THRB: variants seen among roughly 807,000 people sequenced by gnomAD.
The protein encoded by THRB is nuclear receptor subfamily 1 group A member 2.
THRB carries 12 observed loss-of-function variants against 47.8 expected under a neutral mutation model. The ratio of observed to expected loss-of-function variants is 0.25; its 90% CI spans 0.16 to 0.41. The LOEUF (loss-of-function observed/expected upper bound fraction) is 0.41, where lower values mean the gene tolerates loss of function less well. Ranked by LOEUF, THRB falls within the 10% of genes least tolerant of loss-of-function variation. The pLI is 1.00. For missense variants in THRB, 348 were observed against 589.2 expected (o/e 0.59, Z 4.24); for synonymous variants, 218 against 212.2 (o/e 1.03, Z -0.24).
At chr3:24,208,210 A>G (rs1038132352) in intron 4 of THRB, among the ~76,000 whole-genome samples, 2 of 152,226 alleles carry the variant, frequency 1.3e-5, no homozygotes, top group African/African-American at 4.8e-5. Flanking sequence ...GACACAAACA[A>G]ATGGAAGAAC....
At chr3:24,321,348 G>T (rs986275563) in intron 2 of THRB, among the ~76,000 whole-genome samples, 3 of 152,154 alleles carry the variant, frequency 2.0e-5, no homozygotes, top group Admixed American at 6.5e-5. Context: ...TGATATGAAA[G>T]ATAAGTTTAG....
intron 4 of THRB, among the ~76,000 whole-genome samples, chr3:24,226,056 G>A (rs1300546186): frequency 6.6e-6 from 1 of 152,134 alleles, no homozygotes; most frequent in Non-Finnish European, 1.5e-5. Context: ...GCGGTTGAAA[G>A]AGCCTACAAA....
At chr3:24,261,478 ACAGAGCGC>A (rs2150499316) in intron 3 of THRB, among the ~76,000 whole-genome samples, 1 of 146,578 alleles carries the variant, frequency 6.8e-6, no homozygotes, top group South Asian at 2.3e-4. Flanking sequence ...CAGCCTGACA[ACAGAGCGC>A]GATTCTGTCT....
intron 1 of THRB, among the ~76,000 whole-genome samples, chr3:24,444,997 T>G (rs1325157037): frequency 6.6e-6 from 1 of 152,184 alleles, no homozygotes; most frequent in Non-Finnish European, 1.5e-5. Flanking sequence ...GGGGCCACCA[T>G]GTCAGAAACA....
chr3:24,472,556 G>A lies in THRB; in HGVS notation c.-261+22096C>T, dbSNP rs1007168069. ...CCTCCTACTCTCTCTGCCAATCTTG[G>A]AAAAGTCAAGTCCTGGACTTGTTAA... is the stretch of plus-strand genomic sequence containing the variant. On this transcript the variant is annotated intron_variant, in intron 1 of 10. Transcript: ENST00000646209. Among the ~76,000 whole-genome samples, 5 of 152,298 alleles carry A rather than the reference G, an allele frequency of 3.3e-5. No individual in the cohort carries two copies. In the Middle Eastern group the frequency reaches 0.01, roughly 311 times the overall value.
intron 4 of THRB, among the ~76,000 whole-genome samples, chr3:24,198,190 T>G (rs1193535818): frequency 6.6e-6 from 1 of 152,182 alleles, no homozygotes; most frequent in Non-Finnish European, 1.5e-5. Context: ...GCTGATGCCA[T>G]GAGACTTGTA....
chr3:24,206,862 A>G (rs1559599352), intron 4 of THRB, among the ~76,000 whole-genome samples: 1 of 152,226 alleles, frequency 6.6e-6, no homozygotes, highest in African/African-American at 2.4e-5. Context: ...AGAGAATACT[A>G]TAAAAACCTC....
At chr3:24,168,935 G>T (rs1378994611) in intron 5 of THRB, among the ~76,000 whole-genome samples, 1 of 152,092 alleles carries the variant, frequency 6.6e-6, no homozygotes, top group East Asian at 1.9e-4. Flanking sequence ...TGACCAGTGA[G>T]CTGGAAGAGT....
intron 2 of THRB, among the ~76,000 whole-genome samples, chr3:24,317,809 C>G (rs1047095671): frequency 2.0e-5 from 3 of 152,170 alleles, no homozygotes; most frequent in Non-Finnish European, 2.9e-5. Flanking sequence ...GTAATCCCAG[C>G]ATTTTGAGAG....
chr3:24,265,411 G>T (rs535515653), intron 3 of THRB, among the ~76,000 whole-genome samples: 3 of 152,250 alleles, frequency 2.0e-5, no homozygotes, highest in African/African-American at 7.2e-5. Context: ...GTAAAGAATT[G>T]ATCAGAAATC....
chr3:24,391,182 C>T (rs999369632), intron 1 of THRB, among the ~76,000 whole-genome samples: 3 of 152,096 alleles, frequency 2.0e-5, no homozygotes, highest in Admixed American at 6.5e-5. Flanking sequence ...GAAGGTAAGA[C>T]CCAGGTGGTT....
At chr3:24,283,234 C>T (rs1372297955) in intron 3 of THRB, among the ~76,000 whole-genome samples, 3 of 152,176 alleles carry the variant, frequency 2.0e-5, no homozygotes, top group Non-Finnish European at 4.4e-5. Flanking sequence ...GCTTATCCAC[C>T]ATGATCAAGT....
intron 3 of THRB, among the ~76,000 whole-genome samples, chr3:24,243,443 T>C (rs565948975): frequency 6.6e-6 from 1 of 152,086 alleles, no homozygotes; most frequent in Non-Finnish European, 1.5e-5. Flanking sequence ...GAACGTGTCA[T>C]ATGTGCCCCC....
chr3:24,282,695 A>C (rs1057038884), intron 3 of THRB, among the ~76,000 whole-genome samples: 7 of 148,844 alleles, frequency 4.7e-5, no homozygotes, highest in African/African-American at 1.8e-4. Context: ...TAGCAAGACT[A>C]ATAAAGAAAA....
At chr3:24,182,948 G>A (rs1270685539) in intron 5 of THRB, among the ~76,000 whole-genome samples, 1 of 152,146 alleles carries the variant, frequency 6.6e-6, no homozygotes, top group East Asian at 1.9e-4. Context: ...AGTCATAGGG[G>A]ATTATAACTG....
intron 3 of THRB, among the ~76,000 whole-genome samples, chr3:24,257,982 G>A (rs1037290413): frequency 9.2e-5 from 14 of 152,194 alleles, no homozygotes; most frequent in Admixed American, 6.5e-4. Flanking sequence ...AACAATAAAT[G>A]GACTGCATGG....
intron 10 of THRB, among the ~76,000 whole-genome samples, chr3:24,126,981 C>A (rs1455316191): frequency 6.6e-6 from 1 of 152,186 alleles, no homozygotes; most frequent in Non-Finnish European, 1.5e-5. Context: ...AGGCCTGAAC[C>A]AGTGTTTGAT....
At chr3:24,442,181 T>C (rs1430039326) in intron 1 of THRB, among the ~76,000 whole-genome samples, 1 of 152,248 alleles carries the variant, frequency 6.6e-6, no homozygotes, top group African/African-American at 2.4e-5. Flanking sequence ...ACTGTGTCTA[T>C]ACCTTGTATC....
intron 3 of THRB, among the ~76,000 whole-genome samples, chr3:24,269,401 GCGCACA>G (rs1334830259): frequency 1.9e-3 from 87 of 45,670 alleles, no homozygotes; most frequent in African/African-American, 4.2e-3. Context: ...GCGCGCGCGC[GCGCACA>G]CACACACACA....
Sources: gnomAD v4.1 joint callset for allele counts (sites outside exome capture counted in the v4.1 genomes callset) on GRCh38, gnomAD v4.1.1 for gene constraint, MANE v1.5 for transcripts, NCBI Gene and HGNC (gene_info 2026-07-23, HGNC 2026-07-21) for gene names.